The following FAR2 variants were observed in gnomAD, a reference collection of about 807,000 sequenced individuals.
The protein encoded by FAR2 is epididymis secretory protein Li 81.
In FAR2, 19 loss-of-function variants were observed where a neutral mutation model predicts 56.0. That is an observed-to-expected ratio of 0.34 (90% CI 0.24 to 0.50). The LOEUF (loss-of-function observed/expected upper bound fraction) is 0.50, where lower values mean the gene tolerates loss of function less well. FAR2 is among the 20% of genes least tolerant of loss of function. The pLI, the probability that FAR2 is intolerant of heterozygous loss-of-function variation, is 0.98. For missense variants in FAR2, 508 were observed against 642.2 expected (o/e 0.79, Z 2.26); for synonymous variants, 219 against 218.8 (o/e 1.00, Z -0.01).
At chr12:29,203,108 A>G (rs1947435574) in intron 1 of FAR2, among the ~76,000 whole-genome samples, 1 of 152,228 alleles carries the variant, frequency 6.6e-6, no homozygotes, top group Non-Finnish European at 1.5e-5. Context: ...GTGGTTTTAT[A>G]GTTTACCTTA....
At chr12:29,308,117 A>G (rs370789408) in intron 5 of FAR2, 31 of 269,404 alleles carry the variant, frequency 1.2e-4, no homozygotes, top group African/African-American at 6.5e-4. Context: ...TGATGGTTTC[A>G]TATCTTGGCT....
At chr12:29,267,528 A>C (rs2136702524) in intron 1 of FAR2, among the ~76,000 whole-genome samples, 1 of 152,304 alleles carries the variant, frequency 6.6e-6, no homozygotes, top group Non-Finnish European at 1.5e-5. Context: ...TTGAATGCTA[A>C]TCTTGGGTGC....
rs71042969 is a variant in FAR2, at chr12:29,232,821, G to GCACACACACA, written c.-38-37574_-38-37565dup. On this transcript the variant is annotated intron_variant, in intron 1 of 11. Transcript: ENST00000536681. Reference sequence around the variant, plus strand: ...CACACACACACACATACGCGCTCGCGCACACACACACACACACACACACAC... The same window carrying GCACACACACA: ...CACACACACACACATACGCGCTCGCGCACACACACACACACACACACACACACACACACAC... Among the ~76,000 whole-genome samples the GCACACACACA allele has an allele frequency of 1.2e-3, 182 of 145,940 alleles. 1 individual carries two copies. Among genetic ancestry groups the GCACACACACA allele is most frequent in the South Asian group, 4.1e-3 (19 of 4,588 alleles).
At chr12:29,259,262 G>A (rs2136690466) in intron 1 of FAR2, among the ~76,000 whole-genome samples, 1 of 152,264 alleles carries the variant, frequency 6.6e-6, no homozygotes, top group South Asian at 2.1e-4. Flanking sequence ...CGCATCTAAT[G>A]AAGGAAGGCC....
chr12:29,324,609 A>C (rs951933888), intron 10 of FAR2, among the ~76,000 whole-genome samples: 12 of 152,332 alleles, frequency 7.9e-5, no homozygotes, highest in African/African-American at 2.9e-4. Context: ...ATTCTTAAAG[A>C]AAAGAATTTT....
chr12:29,311,806 A>G, intron 7 of FAR2, 77 bp from the exon 8 acceptor site: 1 of 1,068,512 alleles, frequency 9.4e-7, no homozygotes, highest in Non-Finnish European at 1.4e-6. Context: ...ACTCTGTCTA[A>G]ATATTATTTT....
chr12:29,187,090 G>C (rs903037645), intron 1 of FAR2, among the ~76,000 whole-genome samples: 1 of 152,034 alleles, frequency 6.6e-6, no homozygotes, highest in Non-Finnish European at 1.5e-5. Flanking sequence ...GCCCGGCCCG[G>C]CTTAGTTCTT....
chr12:29,319,280 C>T (rs182727574), intron 9 of FAR2, among the ~76,000 whole-genome samples: 1 of 152,220 alleles, frequency 6.6e-6, no homozygotes, highest in Admixed American at 6.5e-5. Flanking sequence ...CATGAGCCAC[C>T]GCGCCCGGCC....
chr12:29,227,674 T>A (rs975070908), intron 1 of FAR2, among the ~76,000 whole-genome samples: 4 of 152,160 alleles, frequency 2.6e-5, no homozygotes, highest in African/African-American at 9.7e-5. Context: ...AATCAATCAA[T>A]TTTTCAAGAA....
chr12:29,257,790 C>G (rs1948349778), intron 1 of FAR2, among the ~76,000 whole-genome samples: 1 of 152,114 alleles, frequency 6.6e-6, no homozygotes. Flanking sequence ...AAGGAACAAA[C>G]TCCGGACACG....
In FAR2 at chr12:29,155,184, A is replaced by T. The variant is rs985379472; in HGVS notation, c.-39+5777A>T. On this transcript the variant is annotated intron_variant, in intron 1 of 11. Transcript: ENST00000536681. ...ATTTTGTGAAGTCTCTGTTTCATAC[A>T]TGTGACCTGAGGCATAAACAATGGG... 5.3e-5 allele frequency among the ~76,000 whole-genome samples: 8 copies of T among 152,344 alleles called. No individual in the cohort carries two copies. The South Asian group carries it at 1.0e-3, about 20-fold the overall frequency.
chr12:29,281,935 G>T (rs1296057463), intron 2 of FAR2, among the ~76,000 whole-genome samples: 1 of 152,096 alleles, frequency 6.6e-6, no homozygotes, highest in Non-Finnish European at 1.5e-5. Context: ...AGAAAATAGT[G>T]CAGTGTTTGC....
intron 1 of FAR2, among the ~76,000 whole-genome samples, chr12:29,169,378 G>A (rs1157426748): frequency 1.3e-5 from 2 of 152,194 alleles, no homozygotes; most frequent in Non-Finnish European, 2.9e-5. Flanking sequence ...CCATTTGTAA[G>A]ACCACCTGTA....
At chr12:29,324,013 G>A (rs1366531458) in intron 10 of FAR2, among the ~76,000 whole-genome samples, 4 of 152,118 alleles carry the variant, frequency 2.6e-5, no homozygotes, top group African/African-American at 7.2e-5. Context: ...AAAATTAGAC[G>A]AATGGATAAC....
chr12:29,181,223 TA>T (rs2136597465), intron 1 of FAR2, among the ~76,000 whole-genome samples: 1 of 152,314 alleles, frequency 6.6e-6, no homozygotes, highest in South Asian at 2.1e-4. Context: ...AATTACACAC[TA>T]AAGGTTGAAT....
At chr12:29,332,871 AAC>A (rs1398165354) in intron 11 of FAR2, 144 bp downstream of exon 11, 27 of 801,954 alleles carry the variant, frequency 3.4e-5, no homozygotes, top group Middle Eastern at 4.7e-4. Flanking sequence ...TCTACCCTGT[AAC>A]ACAGTTTCAT....
At chr12:29,240,169 G>A (rs1035604) in intron 1 of FAR2, among the ~76,000 whole-genome samples, 47,886 of 152,078 alleles carry the variant, frequency 0.31, 7,810 homozygotes, top group Non-Finnish European at 0.37. Flanking sequence ...ATACAAAATA[G>A]TATAATTTCA....
chr12:29,247,545 T>C lies in FAR2; in HGVS notation c.-38-22867T>C, dbSNP rs1028723718. 2.0e-5 allele frequency among the ~76,000 whole-genome samples: 3 copies of C among 152,234 alleles called. No individual in the cohort carries two copies. The South Asian group carries it at 6.2e-4, about 32-fold the overall frequency. On this transcript the variant is annotated intron_variant, in intron 1 of 11. Coordinates refer to ENST00000536681, the MANE Select transcript of FAR2 (RefSeq NM_001271783.2). ...ATCAATCTCCTTTTAAGCAAGGCCT[T>C]GTTAAAGGTCTTCACACATTTAAAC...
In FAR2 at chr12:29,248,657, C is replaced by T. The variant is rs371869460; in HGVS notation, c.-38-21755C>T. 1.1e-3 allele frequency among the ~76,000 whole-genome samples: 173 copies of T among 152,292 alleles called. 1 individual carries two copies. The highest frequency in any genetic ancestry group is 8.1e-3 in the South Asian group (39 of 4,822). ...AGACAGGGTTTTGACAGCAACTGGT[C>T]TGACCAAAATTATTAGGCGGGAATT... On this transcript the variant is annotated intron_variant, in intron 1 of 11. Coordinates refer to ENST00000536681, the MANE Select transcript of FAR2 (RefSeq NM_001271783.2).
Sources: gnomAD v4.1 joint callset for allele counts (sites outside exome capture counted in the v4.1 genomes callset) on GRCh38, gnomAD v4.1.1 for gene constraint, MANE v1.5 for transcripts, NCBI Gene and HGNC (gene_info 2026-07-23, HGNC 2026-07-21) for gene names.